MTUS2: variants seen among roughly 807,000 people sequenced by gnomAD.
MTUS2 encodes the protein microtubule associated scaffold protein 2, also known as microtubule-associated tumor suppressor candidate 2.
In MTUS2, 40 loss-of-function variants were observed where a neutral mutation model predicts 114.1. The observed-to-expected ratio is 0.35, with a 90% CI of 0.27 to 0.46. The LOEUF (loss-of-function observed/expected upper bound fraction) is 0.46. MTUS2 is among the 20% of genes least tolerant of loss of function. The probability of loss-of-function intolerance (pLI) is 1.00; values close to 1 mark genes in which losing one functional copy is unlikely to be tolerated. For missense variants in MTUS2, 1,679 were observed against 1,705.4 expected (o/e 0.98, Z 0.27); for synonymous variants, 688 against 672.0 (o/e 1.02, Z -0.37).
chr13:29,178,784 T>G (rs1479206318), intron 5 of MTUS2, among the ~76,000 whole-genome samples: 1 of 152,198 alleles, frequency 6.6e-6, no homozygotes, highest in African/African-American at 2.4e-5. Context: ...TTTCCTGTCT[T>G]TTGTGAGAGT....
intron 8 of MTUS2, among the ~76,000 whole-genome samples, chr13:29,409,823 G>A (rs545632144): frequency 6.9e-6 from 1 of 145,148 alleles, no homozygotes; most frequent in African/African-American, 2.6e-5. Flanking sequence ...AACAACCATA[G>A]TACTCCATTG....
At chr13:29,035,696 T>G (rs1045446834) in intron 4 of MTUS2, among the ~76,000 whole-genome samples, 4 of 152,144 alleles carry the variant, frequency 2.6e-5, no homozygotes, top group African/African-American at 9.7e-5. Context: ...ACTTAGATGG[T>G]TCACTGAACA....
chr13:29,135,145 A>G (rs1221636137), intron 5 of MTUS2, among the ~76,000 whole-genome samples: 1 of 152,192 alleles, frequency 6.6e-6, no homozygotes, highest in Non-Finnish European at 1.5e-5. Context: ...TTTGTCCAGC[A>G]TATCTATACT....
intron 6 of MTUS2, among the ~76,000 whole-genome samples, chr13:29,293,450 C>T (rs912175422): frequency 8.6e-5 from 13 of 152,032 alleles, no homozygotes; most frequent in Non-Finnish European, 7.4e-5. Context: ...TTACATCCAG[C>T]GTTGGTAAGA....
In MTUS2 at chr13:29,236,989, C is replaced by T. The variant is rs985562568; in HGVS notation, c.2645-44715C>T. Among the ~76,000 whole-genome samples, 6 of 152,246 alleles carry T rather than the reference C, an allele frequency of 3.9e-5. No homozygotes were observed. The East Asian group carries it at 1.2e-3, about 29-fold the overall frequency. ...AAAGAATCAACTTATCCCTAGTGGCCAACTGTTTTCATCTGTACCCATTAA... is the reference window on the plus strand; with the variant it reads ...AAAGAATCAACTTATCCCTAGTGGCTAACTGTTTTCATCTGTACCCATTAA... On this transcript the variant is annotated intron_variant, in intron 5 of 15. Coordinates refer to ENST00000612955, the MANE Select transcript of MTUS2 (RefSeq NM_001033602.4).
intron 2 of MTUS2, among the ~76,000 whole-genome samples, chr13:28,936,310 T>C (rs1402217054): frequency 6.6e-6 from 1 of 152,214 alleles, no homozygotes; most frequent in Non-Finnish European, 1.5e-5. Flanking sequence ...TTTCTTCCTT[T>C]TACAATTGTA....
intron 7 of MTUS2, among the ~76,000 whole-genome samples, chr13:29,334,032 G>A (rs957782724): frequency 6.6e-6 from 1 of 151,688 alleles, no homozygotes; most frequent in African/African-American, 2.4e-5. Context: ...GTTTTGTTTT[G>A]TTTTGTTTTT....
At chr13:29,388,335 T>G (rs1872773597) in intron 8 of MTUS2, among the ~76,000 whole-genome samples, 1 of 151,914 alleles carries the variant, frequency 6.6e-6, no homozygotes, top group Non-Finnish European at 1.5e-5. Flanking sequence ...TTTACCTGAT[T>G]AATTTTGTGG....
chr13:29,100,912 A>T lies in MTUS2; in HGVS notation c.2586A>T (p.Ser862=), dbSNP rs140464903. 0.042 allele frequency: 66,102 copies of T among 1,575,376 alleles called. 1,638 individuals are homozygous for T. Among genetic ancestry groups the T allele is most frequent in the Middle Eastern group, 0.079 (474 of 6,024 alleles). Residue 862 remains serine (S), a synonymous_variant, in exon 5 of 16, where the codon TCA becomes TCT. Coordinates refer to ENST00000612955, the MANE Select transcript of MTUS2 (RefSeq NM_001033602.4). ...FGFVRSSSVS[S]VSSTQSGDSA... ...TTGTCCGGAGCTCCAGCGTCTCCTCAGTCTCCAGCACCCAGTCCGGGGACA... is the reference window on the plus strand; with the variant it reads ...TTGTCCGGAGCTCCAGCGTCTCCTCTGTCTCCAGCACCCAGTCCGGGGACA...
chr13:28,968,301 G>A (rs573730173), intron 2 of MTUS2, among the ~76,000 whole-genome samples: 37 of 152,144 alleles, frequency 2.4e-4, no homozygotes, highest in Admixed American at 9.2e-4. Flanking sequence ...CATATGCTTA[G>A]GTATTTAAAG....
rs184083040 is a variant in MTUS2 at position 29,439,640 on chromosome 13, T to C, written c.3118-343T>C. The stretch of plus-strand genomic sequence containing the variant: ...ATGGTCGGAAATCTCATAGTAGTGA[T>C]AATAATAAACACTGTACAATAATAT... On this transcript the variant is annotated intron_variant, in intron 8 of 15. Transcript: ENST00000612955. 1.2e-4 allele frequency among the ~76,000 whole-genome samples: 19 copies of C among 152,280 alleles called. No individual in the cohort carries two copies. In the East Asian group the frequency reaches 3.5e-3, roughly 28 times the overall value.
At chr13:29,286,215 C>T (rs987152077) in intron 6 of MTUS2, among the ~76,000 whole-genome samples, 2 of 152,146 alleles carry the variant, frequency 1.3e-5, no homozygotes, top group Non-Finnish European at 2.9e-5. Context: ...CATGAGCCAC[C>T]GCACCCGAAT....
chr13:29,219,188 G>T lies in MTUS2; in HGVS notation c.2645-62516G>T, dbSNP rs1388261791. ...CTTCCTGTGTCCATGTGATCTCATT[G>T]TTCAATTTCCACCTATGAGTGAGAA... On this transcript the variant is annotated intron_variant, in intron 5 of 15. Transcript: ENST00000612955. Among the ~76,000 whole-genome samples, 466 of 141,182 alleles carry T rather than the reference G, an allele frequency of 3.3e-3. 4 individuals carry two copies. Among genetic ancestry groups the T allele is most frequent in the African/African-American group, 0.012 (443 of 37,072 alleles). The allele number at this position is 141,182 out of a possible 152,430, so 92.6% of individuals were successfully genotyped here. A position where few individuals can be genotyped will look rare whatever the true frequency, so the allele number is the denominator to read the frequency against.
At chr13:29,017,617 A>T (rs1049257525) in intron 2 of MTUS2, among the ~76,000 whole-genome samples, 1 of 152,006 alleles carries the variant, frequency 6.6e-6, no homozygotes, top group African/African-American at 2.4e-5. Flanking sequence ...TCTTACTTGG[A>T]TATTCTGATA....
chr13:28,825,464 C>T (rs1366414885), intron 1 of MTUS2, among the ~76,000 whole-genome samples: 1 of 152,162 alleles, frequency 6.6e-6, no homozygotes, highest in Admixed American at 6.5e-5. Flanking sequence ...AGAGAATCCC[C>T]AGCTTAAAGG....
chr13:29,125,387 C>T (rs1180589729), intron 5 of MTUS2, among the ~76,000 whole-genome samples: 1 of 152,098 alleles, frequency 6.6e-6, no homozygotes, highest in Non-Finnish European at 1.5e-5. Context: ...GCAATTCAAC[C>T]CAAGAAACAC....
intron 5 of MTUS2, among the ~76,000 whole-genome samples, chr13:29,237,240 A>G (rs1185290102): frequency 6.6e-6 from 1 of 151,992 alleles, no homozygotes; most frequent in African/African-American, 2.4e-5. Flanking sequence ...TTTCCAGGAC[A>G]CTCCTGTGTG....
At chr13:29,337,694 C>T (rs193121308) in intron 7 of MTUS2, among the ~76,000 whole-genome samples, 88 of 151,810 alleles carry the variant, frequency 5.8e-4, no homozygotes, top group African/African-American at 1.9e-3. Flanking sequence ...CTCTGCCTCC[C>T]GGGTTCAAGT....
At chr13:28,988,050 G>T (rs995782179) in intron 2 of MTUS2, among the ~76,000 whole-genome samples, 3 of 152,176 alleles carry the variant, frequency 2.0e-5, no homozygotes, top group African/African-American at 7.2e-5. Flanking sequence ...GACCCAGGTA[G>T]CAGAATTGTT....
Sources: allele counts gnomAD v4.1 joint callset (sites outside exome capture counted in the v4.1 genomes callset), GRCh38; gene constraint gnomAD v4.1.1; transcripts MANE v1.5; gene names NCBI Gene and HGNC (gene_info 2026-07-23, HGNC 2026-07-21).